Variants in ZC3H18 observed in about 807,000 individuals in gnomAD.
ZC3H18 encodes the protein zinc finger CCCH-type containing 18.
Under a neutral mutation model 106.1 loss-of-function variants are expected in ZC3H18, and 8 were observed. The ratio of observed to expected loss-of-function variants is 0.08; its 90% CI spans 0.04 to 0.14. ZC3H18 has a LOEUF of 0.14. Among genes scored for constraint, ZC3H18 ranks in the 10% least tolerant of loss-of-function variants. The pLI, the probability that ZC3H18 is intolerant of heterozygous loss-of-function variation, is 1.00. For missense variants in ZC3H18, 1,318 were observed against 1,278.4 expected (o/e 1.03, Z -0.47); for synonymous variants, 635 against 522.1 (o/e 1.22, Z -2.95).
intron 1 of ZC3H18, 62 bp from the exon 2 acceptor site, chr16:88,577,048 T>C: frequency 6.7e-7 from 1 of 1,488,286 alleles, no homozygotes; most frequent in East Asian, 2.4e-5. Context: ...GCCAGGAAAG[T>C]AGGGACAAGG....
intron 3 of ZC3H18, among the ~76,000 whole-genome samples, chr16:88,587,351 A>G (rs1333629911): frequency 6.6e-6 from 1 of 152,222 alleles, no homozygotes; most frequent in Non-Finnish European, 1.5e-5. Flanking sequence ...AGAATTTCCA[A>G]CTTGTAAGGG....
At chr16:88,612,203 A>C (rs957172649) in intron 8 of ZC3H18, among the ~76,000 whole-genome samples, 2 of 152,208 alleles carry the variant, frequency 1.3e-5, no homozygotes, top group African/African-American at 2.4e-5. Flanking sequence ...GATGGGCGTC[A>C]GTGGACATTA....
chr16:88,579,863 T>C (rs1017572210), intron 2 of ZC3H18, among the ~76,000 whole-genome samples: 2 of 152,116 alleles, frequency 1.3e-5, no homozygotes, highest in African/African-American at 4.8e-5. Flanking sequence ...AGGTGGACCT[T>C]GCTGTGCCAC....
In ZC3H18 at chr16:88,624,759, C is replaced by T. The variant is rs372581501; in HGVS notation, c.2042+14C>T. 1.4e-5 allele frequency: 23 copies of T among 1,601,510 alleles called. No individual in the cohort carries two copies. Among genetic ancestry groups the T allele is most frequent in the African/African-American group, 4.0e-5 (3 of 74,286 alleles). On this transcript the variant is annotated intron_variant, in intron 12 of 17. Transcript: ENST00000301011. Reference sequence around the variant, plus strand: ...CCCCCCCAGGAGGTGAGCACTCCGGCGTCCGGGGCCCTCAGGCTTTCCGTG... The same window carrying T: ...CCCCCCCAGGAGGTGAGCACTCCGGTGTCCGGGGCCCTCAGGCTTTCCGTG...
In ZC3H18 at chr16:88,598,268, T is replaced by TCCCGCCTAATGGTGC. The variant is rs1479387176; in HGVS notation, c.787_801dup (p.Asn263_Pro267dup). On this transcript the variant is annotated inframe_insertion, in exon 4 of 18. Transcript: ENST00000301011. ...TCCCTAATCACCAAAGCCGACCCCT[T>TCCCGCCTAATGGTGC]CCCGCCTAATGGTGCCCCGCCTCTC... is the stretch of plus-strand genomic sequence containing the variant. The TCCCGCCTAATGGTGC allele has an allele frequency of 1.9e-6, 3 of 1,613,086 alleles. No individual in the cohort carries two copies. The highest frequency in any genetic ancestry group is 2.5e-6 in the Non-Finnish European group (3 of 1,179,700).
At chr16:88,613,396 A>G (rs907191058) in intron 8 of ZC3H18, among the ~76,000 whole-genome samples, 2 of 152,258 alleles carry the variant, frequency 1.3e-5, no homozygotes, top group East Asian at 1.9e-4. Flanking sequence ...TGGTCACTCT[A>G]TGTTTAGCTG....
intron 8 of ZC3H18, among the ~76,000 whole-genome samples, chr16:88,616,085 G>T (rs372517013): frequency 3.5e-4 from 54 of 152,332 alleles, no homozygotes; most frequent in African/African-American, 1.2e-3. Context: ...AACTCTGCCA[G>T]CATGGCCACC....
chr16:88,593,525 A>T (rs1444956212), intron 3 of ZC3H18, among the ~76,000 whole-genome samples: 1 of 152,210 alleles, frequency 6.6e-6, no homozygotes, highest in Non-Finnish European at 1.5e-5. Flanking sequence ...AAACTGTGGA[A>T]AGCCAGAAAG....
At chr16:88,604,434 C>A (rs1010792209) in intron 6 of ZC3H18, among the ~76,000 whole-genome samples, 4 of 152,088 alleles carry the variant, frequency 2.6e-5, no homozygotes, top group Non-Finnish European at 1.5e-5. Context: ...CGCCTGTAAT[C>A]CCAGCACTCT....
At chr16:88,599,749 G>A (rs1289253643) in intron 5 of ZC3H18, 42 bp from the exon 6 acceptor site, 1 of 1,581,922 alleles carries the variant, frequency 6.3e-7, no homozygotes, top group Non-Finnish European at 8.6e-7. Context: ...GCGACGCCCG[G>A]TATTCTGTTC....
chr16:88,577,855 G>C, intron 2 of ZC3H18, 129 bp downstream of exon 2: 2 of 1,520,496 alleles, frequency 1.3e-6, no homozygotes, highest in South Asian at 2.6e-5. Flanking sequence ...GCAGGAGAAT[G>C]AGAGGCTTGT....
intron 2 of ZC3H18, among the ~76,000 whole-genome samples, chr16:88,579,452 G>A (rs1914974392): frequency 1.3e-5 from 2 of 152,146 alleles, no homozygotes; most frequent in South Asian, 4.1e-4. Flanking sequence ...AGTCTTGGGG[G>A]AGATTCATCA....
rs71391393 is a variant in ZC3H18 at position 88,582,219 on chromosome 16, C to CTTTTTTTTTTTTT, written c.604-4370_604-4358dup. On this transcript the variant is annotated intron_variant, in intron 2 of 17. Transcript: ENST00000301011. ...TAAATCCACCTTTCCTTTTTCTTTTCTTTTTTTTTTTTTTTTTTTTTTTGA... is the reference window on the plus strand; with the variant it reads ...TAAATCCACCTTTCCTTTTTCTTTTCTTTTTTTTTTTTTTTTTTTTTTTTTTTTTTTTTTTTGA... 5.2e-3 allele frequency among the ~76,000 whole-genome samples: 401 copies of CTTTTTTTTTTTTT among 77,142 alleles called. 20 individuals carry two copies. Among genetic ancestry groups the CTTTTTTTTTTTTT allele is most frequent in the Middle Eastern group, 0.045 (3 of 66 alleles). 50.6% of individuals were successfully genotyped at this position (77,142 alleles called of 152,430 possible). A position where few individuals can be genotyped will look rare whatever the true frequency, so the allele number is the denominator to read the frequency against.
chr16:88,623,320 G>A lies in ZC3H18; in HGVS notation c.1769G>A (p.Ser590Asn). 6.2e-7 allele frequency: 1 copy of A among 1,613,720 alleles called. No individual in the cohort carries two copies. Among genetic ancestry groups the A allele is most frequent in the Non-Finnish European group, 8.5e-7 (1 of 1,179,964 alleles). ...SSYSSRSSRHSSFSGSRSRSR... is the reference protein window; with the variant it reads ...SSYSSRSSRHNSFSGSRSRSR... Reference sequence around the variant, plus strand: ...TACTCCAGCCGCTCTTCCAGACACAGCTCGTTCTCAGGAAGCCGGTCCAGG... The same window carrying A: ...TACTCCAGCCGCTCTTCCAGACACAACTCGTTCTCAGGAAGCCGGTCCAGG... Residue 590 changes from serine to asparagine, a missense_variant, in exon 10 of 18, where the codon AGC becomes AAC. By Grantham distance (46) the Ser-to-Asn change is conservative. Transcript: ENST00000301011.
chr16:88,608,100 A>T (rs1023860782), intron 6 of ZC3H18, among the ~76,000 whole-genome samples: 1 of 152,050 alleles, frequency 6.6e-6, no homozygotes, highest in African/African-American at 2.4e-5. Flanking sequence ...GGCTTTATCA[A>T]GTCTCTGGGT....
chr16:88,598,284 C>A lies in ZC3H18; in HGVS notation c.795C>A (p.Ala265=). ...CCGACCCCTTCCCGCCTAATGGTGC[C>A]CCGCCTCTCGGACCTCACCCGCTGA... ...TKADPFPPNG[A]PPLGPHPLMP... is the part of the protein sequence containing the mutation. The change falls in exon 4 of 18, where the codon GCC becomes GCA. Residue 265 remains alanine (A), a synonymous_variant. Transcript: ENST00000301011. 6.2e-7 allele frequency: 1 copy of A among 1,610,772 alleles called. No individual in the cohort carries two copies. Among genetic ancestry groups the A allele is most frequent in the East Asian group, 2.2e-5 (1 of 44,866 alleles).
At chr16:88,571,760 C>A (rs1461526369) in intron 1 of ZC3H18, 22 of 871,662 alleles carry the variant, frequency 2.5e-5, no homozygotes, top group Non-Finnish European at 2.5e-5. Flanking sequence ...ACCTCTTTAT[C>A]AAGGAGTTTA....
At chr16:88,616,009 G>C (rs911591789) in intron 8 of ZC3H18, among the ~76,000 whole-genome samples, 1 of 152,168 alleles carries the variant, frequency 6.6e-6, no homozygotes, top group Non-Finnish European at 1.5e-5. Context: ...TGCTGTGCCC[G>C]TCTCCTGTGT....
chr16:88,599,000 A>G (rs1904602573), intron 5 of ZC3H18, among the ~76,000 whole-genome samples: 1 of 152,206 alleles, frequency 6.6e-6, no homozygotes, highest in African/African-American at 2.4e-5. Flanking sequence ...CTGGGATTAC[A>G]GGCATGCGCC....
Sources: gnomAD v4.1 joint callset for allele counts (sites outside exome capture counted in the v4.1 genomes callset) on GRCh38, gnomAD v4.1.1 for gene constraint, MANE v1.5 for transcripts, NCBI Gene and HGNC (gene_info 2026-07-23, HGNC 2026-07-21) for gene names.